Variants in NCAM1 observed in about 807,000 individuals in gnomAD.
NCAM1 encodes neural cell adhesion molecule 1.
In NCAM1, 14 loss-of-function variants were observed where a neutral mutation model predicts 109.8. That is an observed-to-expected ratio of 0.13 (90% CI 0.08 to 0.20). The LOEUF (loss-of-function observed/expected upper bound fraction) is 0.20, where lower values mean the gene tolerates loss of function less well. NCAM1 is among the 10% of genes least tolerant of loss of function. The probability of loss-of-function intolerance (pLI) is 1.00; values close to 1 mark genes in which losing one functional copy is unlikely to be tolerated. For missense variants in NCAM1, 774 were observed against 1,109.9 expected (o/e 0.70, Z 4.30); for synonymous variants, 418 against 442.9 (o/e 0.94, Z 0.70).
chr11:113,107,344 A>G (rs1329119226), intron 1 of NCAM1, among the ~76,000 whole-genome samples: 1 of 152,222 alleles, frequency 6.6e-6, no homozygotes, highest in African/African-American at 2.4e-5. Context: ...ATGAAATAAT[A>G]TGTGCAAAGC....
intron 1 of NCAM1, among the ~76,000 whole-genome samples, chr11:112,992,200 AT>A (rs1207271160): frequency 4.0e-5 from 6 of 151,876 alleles, no homozygotes; most frequent in African/African-American, 1.2e-4. Flanking sequence ...ATTTTTATGC[AT>A]TTTTTTCAAT....
At position 112,968,641 on chromosome 11, in the gene NCAM1, C is replaced by T. The variant is rs965676515; in HGVS notation, c.52+6977C>T. 2.6e-5 allele frequency among the ~76,000 whole-genome samples: 4 copies of T among 152,014 alleles called. No homozygotes were observed. The East Asian group carries it at 5.8e-4, about 22-fold the overall frequency. The stretch of plus-strand genomic sequence containing the variant: ...TCATGGAGTTTCCAGTCTAGTAGTA[C>T]AGAGAAATATAGACATTAAAAAGTA... On this transcript the variant is annotated intron_variant, in intron 1 of 19. Coordinates refer to ENST00000316851, the MANE Select transcript of NCAM1 (RefSeq NM_181351.5).
At chr11:113,039,649 T>C (rs932980437) in intron 1 of NCAM1, among the ~76,000 whole-genome samples, 1 of 152,208 alleles carries the variant, frequency 6.6e-6, no homozygotes, top group Non-Finnish European at 1.5e-5. Flanking sequence ...AGAAATATAA[T>C]TTTCAGAATA....
intron 1 of NCAM1, among the ~76,000 whole-genome samples, chr11:113,068,979 T>C (rs1037522018): frequency 6.6e-6 from 1 of 152,216 alleles, no homozygotes; most frequent in South Asian, 2.1e-4. Flanking sequence ...TTGTGCTATC[T>C]TAACAGATGT....
chr11:113,005,828 CA>C (rs1951880649), intron 1 of NCAM1, among the ~76,000 whole-genome samples: 1 of 152,194 alleles, frequency 6.6e-6, no homozygotes, highest in African/African-American at 2.4e-5. Flanking sequence ...GTCTTTCAAG[CA>C]CATTAAAACA....
chr11:113,114,588 C>T (rs1388332389), intron 1 of NCAM1, among the ~76,000 whole-genome samples: 1 of 152,200 alleles, frequency 6.6e-6, no homozygotes, highest in Non-Finnish European at 1.5e-5. Flanking sequence ...CCTCTTCAGG[C>T]ACTTCCCAGG....
intron 1 of NCAM1, among the ~76,000 whole-genome samples, chr11:113,010,123 A>T (rs1192350901): frequency 6.6e-6 from 1 of 152,216 alleles, no homozygotes; most frequent in Non-Finnish European, 1.5e-5. Context: ...AGGAAACTGC[A>T]GTAAAACTAG....
rs117871517 is a variant in NCAM1, at chr11:113,115,723, G to A, written c.53-86656G>A. On this transcript the variant is annotated intron_variant, in intron 1 of 19. Coordinates refer to ENST00000316851, the MANE Select transcript of NCAM1 (RefSeq NM_181351.5). Reference sequence around the variant, plus strand: ...TCTTCCACTCTGTGGATGCTCTGAAGGAGGCTTTATTTACATGCACTAGTC... The same window carrying A: ...TCTTCCACTCTGTGGATGCTCTGAAAGAGGCTTTATTTACATGCACTAGTC... Among the ~76,000 whole-genome samples the A allele has an allele frequency of 8.4e-3, 1,278 of 152,322 alleles. 7 individuals are homozygous for A. Among genetic ancestry groups the A allele is most frequent in the Non-Finnish European group, 0.012 (785 of 68,026 alleles).
intron 1 of NCAM1, among the ~76,000 whole-genome samples, chr11:112,998,811 C>T (rs1302404263): frequency 1.3e-5 from 2 of 152,138 alleles, no homozygotes; most frequent in Non-Finnish European, 2.9e-5. Flanking sequence ...ACTTTCTCAT[C>T]CAGAACATTA....
chr11:113,206,314 C>G, intron 5 of NCAM1, 134 bp downstream of exon 5: 1 of 918,352 alleles, frequency 1.1e-6, no homozygotes, highest in African/African-American at 1.7e-5. Flanking sequence ...GCTAAATCCC[C>G]TCCCCACCGT....
Position 113,243,356 on chromosome 11 carries a change from T to C in NCAM1, c.1826-3012T>C, listed in dbSNP as rs1179341258. 3.3e-5 allele frequency among the ~76,000 whole-genome samples: 5 copies of C among 152,294 alleles called. No homozygotes were observed. The East Asian group carries it at 9.7e-4, about 30-fold the overall frequency. On this transcript the variant is annotated intron_variant, in intron 14 of 19. Coordinates refer to ENST00000316851, the MANE Select transcript of NCAM1 (RefSeq NM_181351.5). ...CAGCATGCCCGGCTTTGTCTCCGCG[T>C]ACGCAGAGCACAGGGGAAGGAGAGA...
At chr11:113,111,890 T>A (rs1565443149) in intron 1 of NCAM1, among the ~76,000 whole-genome samples, 2 of 152,230 alleles carry the variant, frequency 1.3e-5, no homozygotes, top group Non-Finnish European at 2.9e-5. Flanking sequence ...ATTATTTGAA[T>A]AAACGTATTC....
At chr11:113,217,287 G>A (rs1172662072) in intron 8 of NCAM1, among the ~76,000 whole-genome samples, 4 of 152,152 alleles carry the variant, frequency 2.6e-5, no homozygotes, top group African/African-American at 7.2e-5. Flanking sequence ...AGCAGAAAGA[G>A]CTACTTCCTT....
At chr11:113,128,022 C>A (rs1297185815) in intron 1 of NCAM1, among the ~76,000 whole-genome samples, 1 of 152,208 alleles carries the variant, frequency 6.6e-6, no homozygotes, top group African/African-American at 2.4e-5. Flanking sequence ...CACCAGACTG[C>A]TGGGGCCGAC....
chr11:113,141,474 A>G (rs1941816368), intron 1 of NCAM1, among the ~76,000 whole-genome samples: 1 of 152,170 alleles, frequency 6.6e-6, no homozygotes, highest in Admixed American at 6.5e-5. Flanking sequence ...TAGTAAAAAT[A>G]TCAAAAATAA....
intron 1 of NCAM1, among the ~76,000 whole-genome samples, chr11:113,107,369 G>A (rs1447043385): frequency 3.3e-5 from 5 of 152,186 alleles, no homozygotes; most frequent in African/African-American, 1.2e-4. Flanking sequence ...GGCTTTTCGA[G>A]TAAGTATTCC....
At chr11:113,165,827 T>TG (rs1206475852) in intron 1 of NCAM1, among the ~76,000 whole-genome samples, 3 of 151,196 alleles carry the variant, frequency 2.0e-5, no homozygotes, top group Non-Finnish European at 4.4e-5. Flanking sequence ...ATTTTTTTTT[T>TG]TTTGAAATGG....
chr11:113,236,372 C>G, intron 14 of NCAM1: 1 of 1,581,336 alleles, frequency 6.3e-7, no homozygotes, highest in Non-Finnish European at 8.7e-7. Flanking sequence ...TCTGCTAGTT[C>G]TAGTTCGTAA....
chr11:113,086,518 A>G (rs1188764223), intron 1 of NCAM1, among the ~76,000 whole-genome samples: 6 of 152,208 alleles, frequency 3.9e-5, no homozygotes, highest in Non-Finnish European at 7.3e-5. Flanking sequence ...AAAGGACTCT[A>G]CAGTTCAGAT....
Sources: gnomAD v4.1 joint callset for allele counts (sites outside exome capture counted in the v4.1 genomes callset) on GRCh38, gnomAD v4.1.1 for gene constraint, MANE v1.5 for transcripts, NCBI Gene and HGNC (gene_info 2026-07-23, HGNC 2026-07-21) for gene names.